The following SLC25A38 variants were observed in gnomAD, a reference collection of about 807,000 sequenced individuals.
The protein encoded by SLC25A38 is mitochondrial glycine transporter.
SLC25A38 carries 27 observed loss-of-function variants against 33.4 expected under a neutral mutation model. The ratio of observed to expected loss-of-function variants is 0.81; its 90% CI spans 0.60 to 1.11. The LOEUF (loss-of-function observed/expected upper bound fraction) is 1.11. Ranked by LOEUF, SLC25A38 falls within the 50% of genes most tolerant of loss-of-function variation. SLC25A38 has a pLI of 0.00. For synonymous variants in SLC25A38, 123 were observed against 145.9 expected (o/e 0.84, Z 1.13); for missense variants, 344 against 388.8 (o/e 0.88, Z 0.97).
At chr3:39,388,667 G>A (rs1187585045) in intron 1 of SLC25A38, among the ~76,000 whole-genome samples, 1 of 152,154 alleles carries the variant, frequency 6.6e-6, no homozygotes, top group Non-Finnish European at 1.5e-5. Context: ...TTATTTTAGG[G>A]AAGGGGAAGA....
intron 1 of SLC25A38, among the ~76,000 whole-genome samples, chr3:39,384,879 G>A (rs1022794270): frequency 2.7e-5 from 4 of 148,916 alleles, no homozygotes; most frequent in African/African-American, 9.9e-5. Flanking sequence ...CGGCTCAACT[G>A]CAACCTCTGA....
Position 39,391,962 on chromosome 3 carries a change from C to T in SLC25A38, c.566C>T (p.Ala189Val), listed in dbSNP as rs769049098. 22 of 1,614,166 alleles carry T rather than the reference C, an allele frequency of 1.4e-5. 1 individual carries two copies. Among genetic ancestry groups the T allele is most frequent in the Middle Eastern group, 3.3e-4 (2 of 6,062 alleles). ...CTGACAGCAACTCTCCTTCGAGATG[C>T]GCCCTTCTCAGGAATCTACCTGATG... ...SGLTATLLRD[A>V]PFSGIYLMFY... Residue 189 changes from alanine (A) to valine (V), a missense_variant, in exon 5 of 7, where the codon GCG becomes GTG. Around this residue, in one of 2 missense-constraint regions of SLC25A38, gnomAD observed 269 missense variants for 271.8 expected, o/e 0.99. Coordinates refer to ENST00000650617, the MANE Select transcript of SLC25A38 (RefSeq NM_017875.4).
intron 5 of SLC25A38, among the ~76,000 whole-genome samples, chr3:39,393,746 G>A (rs767412235): frequency 3.3e-5 from 5 of 152,148 alleles, no homozygotes; most frequent in Non-Finnish European, 7.4e-5. Context: ...TGATCCTCCC[G>A]CCTCGGCCTC....
At chr3:39,395,901 G>T (rs1475875358) in intron 6 of SLC25A38, among the ~76,000 whole-genome samples, 1 of 137,484 alleles carries the variant, frequency 7.3e-6, no homozygotes, top group African/African-American at 2.6e-5. Flanking sequence ...GGTAAGCCCA[G>T]CAACTACAAA....
At chr3:39,384,343 C>G (rs1012824563) in intron 1 of SLC25A38, 13 of 243,498 alleles carry the variant, frequency 5.3e-5, no homozygotes, top group Non-Finnish European at 8.6e-5. Flanking sequence ...TCATCGTGCC[C>G]GGGCCGCCGG....
chr3:39,388,816 T>C (rs2041731300), intron 1 of SLC25A38, among the ~76,000 whole-genome samples: 1 of 152,078 alleles, frequency 6.6e-6, no homozygotes, highest in South Asian at 2.1e-4. Context: ...AAGGGAGGTA[T>C]ATTTAGTCTT....
At chr3:39,396,296 T>G in intron 6 of SLC25A38, 102 bp from the exon 7 acceptor site, 1 of 1,558,470 alleles carries the variant, frequency 6.4e-7, no homozygotes, top group Non-Finnish European at 8.8e-7. Flanking sequence ...AGAAACTAAG[T>G]CTTAAACATG....
intron 5 of SLC25A38, among the ~76,000 whole-genome samples, chr3:39,393,509 C>T (rs989077756): frequency 1.3e-5 from 2 of 151,796 alleles, no homozygotes; most frequent in African/African-American, 4.8e-5. Context: ...ATAATTTTTT[C>T]TTTTTTTTGA....
chr3:39,390,498 G>A lies in SLC25A38; in HGVS notation c.267G>A (p.Gly89=), dbSNP rs762190399. The A allele has an allele frequency of 5.6e-6, 9 of 1,613,978 alleles. No individual in the cohort carries two copies. In the African/African-American group the frequency reaches 6.7e-5, roughly 12 times the overall value. ...RTESLLGLWK[G]MSPSIVRCVP... ...AGAGTCTTTTGGGCCTTTGGAAAGG[G>A]ATGTCCCCTGTAAGCTGCCATCTGG... Residue 89 remains glycine (G), a synonymous_variant, in exon 3 of 7, where the codon GGG becomes GGA. Coordinates refer to ENST00000650617, the MANE Select transcript of SLC25A38 (RefSeq NM_017875.4).
In SLC25A38 at chr3:39,391,558, G is replaced by A. The variant is rs1351633858; in HGVS notation, c.394G>A (p.Gly132Ser). Residue 132 changes from glycine to serine, a missense_variant, in exon 4 of 7, where the codon GGC becomes AGC. By Grantham distance (56) the Gly-to-Ser change is moderately conservative. Coordinates refer to ENST00000650617, the MANE Select transcript of SLC25A38 (RefSeq NM_017875.4). The part of the protein sequence containing the change: ...TALESVMLGV[G>S]SRSVAGVCMS... ...CCTGGAGTCAGTCATGCTGGGGGTG[G>A]GCTCTCGCTCTGTTGCAGGGGTCTG... 1.2e-6 allele frequency: 2 copies of A among 1,614,174 alleles called. No homozygotes were observed. The highest frequency in any genetic ancestry group is 1.7e-6 in the Non-Finnish European group (2 of 1,180,046).
Position 39,383,838 on chromosome 3 carries a change from G to A in SLC25A38, c.69+45G>A. 3 of 1,607,348 alleles carry A rather than the reference G, an allele frequency of 1.9e-6. No individual in the cohort carries two copies. In the South Asian group the frequency reaches 3.3e-5, roughly 18 times the overall value. The stretch of plus-strand genomic sequence containing the variant: ...GGAAGGGCAGGGGTCCGAACCGCGG[G>A]CTCGGGCCGGAGAATTCGGGGCGTT... On this transcript the variant is annotated intron_variant, in intron 1 of 6. Coordinates refer to ENST00000650617, the MANE Select transcript of SLC25A38 (RefSeq NM_017875.4).
chr3:39,390,545 C>T, intron 3 of SLC25A38, 38 bp downstream of exon 3: 1 of 1,590,648 alleles, frequency 6.3e-7, no homozygotes, highest in Non-Finnish European at 8.6e-7. Flanking sequence ...CTAGCATCCA[C>T]TCCTTAATAA....
rs1027157158 is a variant in SLC25A38 at position 39,391,375 on chromosome 3, C to T, written c.277-66C>T. 306 of 1,608,488 alleles carry T rather than the reference C, an allele frequency of 1.9e-4. 1 individual carries two copies. The highest frequency in any genetic ancestry group is 2.2e-4 in the Middle Eastern group (1 of 4,460). On this transcript the variant is annotated intron_variant, in intron 3 of 6. Coordinates refer to ENST00000650617, the MANE Select transcript of SLC25A38 (RefSeq NM_017875.4). The stretch of plus-strand genomic sequence containing the variant: ...ATCATCTTGGGGTCTTTTGGGAAAA[C>T]CCAGCTAAGATAATACTTAAAGTGT...
Position 39,396,455 on chromosome 3 carries a change from C to T in SLC25A38, c.850C>T (p.Leu284=). Residue 284 remains leucine, a synonymous_variant, in exon 7 of 7, where the codon CTA becomes TTA. Coordinates refer to ENST00000650617, the MANE Select transcript of SLC25A38 (RefSeq NM_017875.4). The part of the protein sequence containing the change: ...GGIPRALRRT[L]MAAMAWTVYE... ...CATCCCCCGAGCCCTCCGCAGAACT[C>T]TAATGGCAGCAATGGCGTGGACGGT... 6.2e-7 allele frequency: 1 copy of T among 1,614,120 alleles called. No homozygotes were observed. Among genetic ancestry groups the T allele is most frequent in the Non-Finnish European group, 8.5e-7 (1 of 1,180,024 alleles).
chr3:39,389,482 T>C lies in SLC25A38; in HGVS notation c.70-13T>C. On this transcript the variant is annotated splice_polypyrimidine_tract_variant and intron_variant, in intron 1 of 6. Coordinates refer to ENST00000650617, the MANE Select transcript of SLC25A38 (RefSeq NM_017875.4). This position sits in a 1 kb window ranked among gnomAD's most constrained non-coding sequence, Gnocchi z 4.5. ...AGGCAGAGCTACTGACACAATATTGTCTTATCCTGCAGTTACATCCGGTGA... is the reference window on the plus strand; with the variant it reads ...AGGCAGAGCTACTGACACAATATTGCCTTATCCTGCAGTTACATCCGGTGA... 2 of 1,614,220 alleles carry C rather than the reference T, an allele frequency of 1.2e-6. No individual in the cohort carries two copies. The highest frequency in any genetic ancestry group is 1.7e-6 in the Non-Finnish European group (2 of 1,180,042).
rs180891867 is a variant in SLC25A38, at chr3:39,391,495, T to G, written c.331T>G (p.Leu111Val). 7.4e-6 allele frequency: 12 copies of G among 1,614,208 alleles called. No individual in the cohort carries two copies. The East Asian group carries it at 1.8e-4, about 24-fold the overall frequency. Residue 111 changes from leucine (L) to valine (V), a missense_variant, in exon 4 of 7, where the codon TTG becomes GTG. This residue lies in a region of SLC25A38 where 269 missense variants were observed against 271.8 expected (regional missense o/e 0.99). Transcript: ENST00000650617. ...VGIYFGTLYS[L>V]KQYFLRGHPP... ...AATCTACTTTGGCACTCTCTACTCT[T>G]TGAAGCAGTATTTCTTGCGAGGCCA...
chr3:39,392,577 C>G (rs901460400), intron 5 of SLC25A38, among the ~76,000 whole-genome samples: 4 of 152,106 alleles, frequency 2.6e-5, no homozygotes, highest in Non-Finnish European at 5.9e-5. Flanking sequence ...GGGAGGCCCA[C>G]CCCACCCCAC....
At chr3:39,395,685 C>T (rs2041820015) in intron 6 of SLC25A38, among the ~76,000 whole-genome samples, 1 of 151,686 alleles carries the variant, frequency 6.6e-6, no homozygotes, top group Non-Finnish European at 1.5e-5. Context: ...CAGTGAATTA[C>T]AAAAAGATAA....
chr3:39,383,985 G>T (rs1258678771), intron 1 of SLC25A38, among the ~76,000 whole-genome samples, 192 bp downstream of exon 1: 1 of 152,194 alleles, frequency 6.6e-6, no homozygotes, highest in Non-Finnish European at 1.5e-5. Flanking sequence ...GCCAGGAGCT[G>T]CAGGCCAGCC....
Sources: allele counts gnomAD v4.1 joint callset (sites outside exome capture counted in the v4.1 genomes callset), GRCh38; gene constraint gnomAD v4.1.1; regional missense constraint gnomAD v4.1.1; non-coding constraint Gnocchi (gnomAD v3.1); transcripts MANE v1.5; gene names NCBI Gene and HGNC (gene_info 2026-07-23, HGNC 2026-07-21).